The following SV2B variants were observed in gnomAD, a reference collection of about 807,000 sequenced individuals.
SV2B encodes synaptic vesicle glycoprotein 2B.
Under a neutral mutation model 73.9 loss-of-function variants are expected in SV2B, and 41 were observed. That is an observed-to-expected ratio of 0.56 (90% CI 0.43 to 0.72). The LOEUF (loss-of-function observed/expected upper bound fraction) is 0.72, where lower values mean the gene tolerates loss of function less well. Among genes scored for constraint, SV2B ranks in the 30% least tolerant of loss-of-function variants. The probability of loss-of-function intolerance (pLI) is 0.00; values close to 1 mark genes in which losing one functional copy is unlikely to be tolerated. For missense variants in SV2B, 764 were observed against 857.8 expected, an observed-to-expected ratio of 0.89 and a Z score of 1.37; for synonymous variants, 314 against 314.2, an observed-to-expected ratio of 1.00 and a Z score of 0.01.
intron 1 of SV2B, among the ~76,000 whole-genome samples, chr15:91,177,182 G>A (rs1202547284): frequency 6.6e-6 from 1 of 151,900 alleles, no homozygotes; most frequent in Non-Finnish European, 1.5e-5. Flanking sequence ...ACTCAGGTTT[G>A]TCAAAGATCA....
chr15:91,153,279 G>A (rs936504218), intron 1 of SV2B, among the ~76,000 whole-genome samples: 3 of 152,086 alleles, frequency 2.0e-5, no homozygotes, highest in East Asian at 3.9e-4. Context: ...AAATACATTC[G>A]AACCATAGCA....
Position 91,140,926 on chromosome 15 carries a change from C to T in SV2B, c.-392+40563C>T, listed in dbSNP as rs2042979411. On this transcript the variant is annotated intron_variant, in intron 1 of 12. Transcript: ENST00000394232. This position sits in a 1 kb window ranked among gnomAD's most constrained non-coding sequence, Gnocchi z 4.4. ...ATGGCCACAGGCAGCAAAGAGAAAC[C>T]ACACAGCCTCAGATGAACATATGTT... Among the ~76,000 whole-genome samples, 1 of 151,742 alleles carries T rather than the reference C, an allele frequency of 6.6e-6. No homozygotes were observed. The highest frequency in any genetic ancestry group is 2.4e-5 in the African/African-American group (1 of 41,284).
chr15:91,131,267 G>A (rs1314332208), intron 1 of SV2B, among the ~76,000 whole-genome samples: 1 of 150,252 alleles, frequency 6.7e-6, no homozygotes, highest in Non-Finnish European at 1.5e-5. Flanking sequence ...TGGGAGGTGT[G>A]AGCCACTGCA....
intron 1 of SV2B, among the ~76,000 whole-genome samples, chr15:91,201,765 T>C (rs1310147854): frequency 6.6e-6 from 1 of 152,216 alleles, no homozygotes; most frequent in Non-Finnish European, 1.5e-5. Context: ...TAGCTCTACC[T>C]GCAGCATAGA....
rs2042243874 is a variant in SV2B, at chr15:91,118,664, G to A, written c.-392+18301G>A. Among the ~76,000 whole-genome samples the A allele has an allele frequency of 6.6e-6, 1 of 152,182 alleles. No individual in the cohort carries two copies. Among genetic ancestry groups the A allele is most frequent in the Non-Finnish European group, 1.5e-5 (1 of 68,036 alleles). ...CTCCCTACTGCCCAAGAGGGCCGAGGTGAGGCTGAACACTGTCTCAAGAAA... is the reference window on the plus strand; with the variant it reads ...CTCCCTACTGCCCAAGAGGGCCGAGATGAGGCTGAACACTGTCTCAAGAAA... On this transcript the variant is annotated intron_variant, in intron 1 of 12. Transcript: ENST00000394232. This position sits in a 1 kb window ranked among gnomAD's most constrained non-coding sequence, Gnocchi z 4.7.
chr15:91,277,895 A>T (rs2048545201), intron 9 of SV2B, among the ~76,000 whole-genome samples: 1 of 152,206 alleles, frequency 6.6e-6, no homozygotes. Flanking sequence ...TAAAGGCAGT[A>T]AATGTGCTAG....
Position 91,115,878 on chromosome 15 carries a change from G to A in SV2B, c.-392+15515G>A, listed in dbSNP as rs2042164225. Among the ~76,000 whole-genome samples the A allele has an allele frequency of 6.6e-6, 1 of 152,096 alleles. No individual in the cohort carries two copies. Among genetic ancestry groups the A allele is most frequent in the Non-Finnish European group, 1.5e-5 (1 of 68,028 alleles). ...GTGTTAGGCATCAGAGTTAATGATA[G>A]GTAAGGAAAACGTGATCTCTGCCCT... On this transcript the variant is annotated intron_variant, in intron 1 of 12. Transcript: ENST00000394232. This position sits in a 1 kb window ranked among gnomAD's most constrained non-coding sequence, Gnocchi z 4.3.
At position 91,115,283 on chromosome 15, in the gene SV2B, G is replaced by A. The variant is rs571999392; in HGVS notation, c.-392+14920G>A. 6.6e-6 allele frequency among the ~76,000 whole-genome samples: 1 copy of A among 152,338 alleles called. No individual in the cohort carries two copies. Among genetic ancestry groups the A allele is most frequent in the South Asian group, 2.1e-4 (1 of 4,832 alleles). On this transcript the variant is annotated intron_variant, in intron 1 of 12. Coordinates refer to ENST00000394232, the MANE Select transcript of SV2B (RefSeq NM_001323032.3). This position sits in a 1 kb window ranked among gnomAD's most constrained non-coding sequence, Gnocchi z 4.3. ...CACAGACGTCCACCACACACACTGAGCTGGCTTCTGTTGCTGAAATAAAGA... is the reference window on the plus strand; with the variant it reads ...CACAGACGTCCACCACACACACTGAACTGGCTTCTGTTGCTGAAATAAAGA...
At chr15:91,269,977 G>GA (rs761296996) in intron 9 of SV2B, among the ~76,000 whole-genome samples, 45 of 152,292 alleles carry the variant, frequency 3.0e-4, no homozygotes, top group Non-Finnish European at 5.4e-4. Flanking sequence ...TGTGGTGGTG[G>GA]AAGGCAGTTC....
chr15:91,195,019 G>A (rs191180217), intron 1 of SV2B, among the ~76,000 whole-genome samples: 1 of 152,008 alleles, frequency 6.6e-6, no homozygotes, highest in Non-Finnish European at 1.5e-5. Flanking sequence ...GGCCCACAGT[G>A]GATATATAGC....
Position 91,267,618 on chromosome 15 carries a change from G to T in SV2B, c.1183G>T (p.Val395Leu), listed in dbSNP as rs144134786. ...CAGAATGAATACACTGATTCTGGCC[G>T]TGGTTTGGTTTGCCATGGCATTCAG... ...PYRMNTLILA[V>L]VWFAMAFSYY... The change falls in exon 8 of 13, where the codon GTG becomes TTG. Residue 395 changes from valine to leucine, a missense_variant. Physicochemically the swap from Val to Leu is conservative, Grantham distance 32. Coordinates refer to ENST00000394232, the MANE Select transcript of SV2B (RefSeq NM_001323032.3). The surrounding 1 kb of genome is among the most constrained non-coding windows in gnomAD (Gnocchi z 4.3). The T allele has an allele frequency of 3.0e-5, 48 of 1,612,788 alleles. No individual in the cohort carries two copies. The highest frequency in any genetic ancestry group is 4.0e-5 in the Non-Finnish European group (47 of 1,179,434).
chr15:91,168,645 C>G, intron 1 of SV2B, among the ~76,000 whole-genome samples: 1 of 151,956 alleles, frequency 6.6e-6, no homozygotes, highest in East Asian at 1.9e-4. Flanking sequence ...ACCCTAGAGT[C>G]TAAGCTGGGA....
rs1225290474 is a variant in SV2B, at chr15:91,105,171, G to T, written c.-392+4808G>T. Among the ~76,000 whole-genome samples, 1 of 152,204 alleles carries T rather than the reference G, an allele frequency of 6.6e-6. No individual in the cohort carries two copies. Among genetic ancestry groups the T allele is most frequent in the Non-Finnish European group, 1.5e-5 (1 of 68,036 alleles). On this transcript the variant is annotated intron_variant, in intron 1 of 12. Transcript: ENST00000394232. The surrounding 1 kb of genome is among the most constrained non-coding windows in gnomAD (Gnocchi z 5.5). ...CCCATCTCATGAAGCATTCATTCTA[G>T]TTGAGGGAGACAAATAATATGTAAG... is the stretch of plus-strand genomic sequence containing the variant.
In SV2B at chr15:91,130,241, G is replaced by A. The variant is rs1386110723; in HGVS notation, c.-392+29878G>A. Among the ~76,000 whole-genome samples the A allele has an allele frequency of 6.6e-6, 1 of 152,174 alleles. No individual in the cohort carries two copies. The highest frequency in any genetic ancestry group is 1.5e-5 in the Non-Finnish European group (1 of 68,024). ...GACACAGCTGAGGTTCTTAGGTTAG[G>A]GCAACTGGGAGAGAGGATGGGAGGA... On this transcript the variant is annotated intron_variant, in intron 1 of 12. Transcript: ENST00000394232. The surrounding 1 kb of genome is among the most constrained non-coding windows in gnomAD (Gnocchi z 5.6).
At chr15:91,219,072 C>T (rs111530007) in intron 1 of SV2B, among the ~76,000 whole-genome samples, 9 of 152,142 alleles carry the variant, frequency 5.9e-5, no homozygotes, top group Non-Finnish European at 1.3e-4. Flanking sequence ...CCTCAGCCTC[C>T]CTAGTAGCTG....
intron 1 of SV2B, among the ~76,000 whole-genome samples, chr15:91,120,121 C>T (rs563191182): frequency 1.2e-4 from 19 of 152,264 alleles, no homozygotes; most frequent in Non-Finnish European, 2.4e-4. Flanking sequence ...AGTCTGTTTT[C>T]ACACTGCTGT....
At chr15:91,160,966 A>G (rs1307745449) in intron 1 of SV2B, among the ~76,000 whole-genome samples, 1 of 152,236 alleles carries the variant, frequency 6.6e-6, no homozygotes, top group Non-Finnish European at 1.5e-5. Flanking sequence ...ACAGTGAAAC[A>G]CTGCTCAGCA....
Position 91,289,941 on chromosome 15 carries a change from A to T in SV2B, c.1868+261A>T, listed in dbSNP as rs374649742. ...ACTATGTCCAGGAGAAGGAAATAAG[A>T]GTGAAAAGTTGGTAAAACCATATGT... On this transcript the variant is annotated intron_variant, in intron 12 of 12. Coordinates refer to ENST00000394232, the MANE Select transcript of SV2B (RefSeq NM_001323032.3). The surrounding 1 kb of genome is among the most constrained non-coding windows in gnomAD (Gnocchi z 4.9). Among the ~76,000 whole-genome samples the T allele has an allele frequency of 5.9e-5, 9 of 152,328 alleles. No individual in the cohort carries two copies. The South Asian group carries it at 1.7e-3, about 28-fold the overall frequency.
rs374856796 is a variant in SV2B at position 91,105,101 on chromosome 15, T to C, written c.-392+4738T>C. On this transcript the variant is annotated intron_variant, in intron 1 of 12. Coordinates refer to ENST00000394232, the MANE Select transcript of SV2B (RefSeq NM_001323032.3). This position sits in a 1 kb window ranked among gnomAD's most constrained non-coding sequence, Gnocchi z 5.5. The stretch of plus-strand genomic sequence containing the variant: ...TAATCATTCATTCACTAAATAAATA[T>C]TTATTGAGTGGTCTCTATGTGCCAG... Among the ~76,000 whole-genome samples the C allele has an allele frequency of 1.2e-3, 190 of 152,352 alleles. 5 individuals carry two copies. The South Asian group carries it at 0.036, about 29-fold the overall frequency.
Sources: gnomAD v4.1 joint callset for allele counts (sites outside exome capture counted in the v4.1 genomes callset) on GRCh38, gnomAD v4.1.1 for gene constraint, Gnocchi (gnomAD v3.1) non-coding constraint, MANE v1.5 for transcripts, NCBI Gene and HGNC (gene_info 2026-07-23, HGNC 2026-07-21) for gene names.